Variants in ULK2 observed in about 807,000 individuals in gnomAD.
The protein encoded by ULK2 is serine/threonine-protein kinase ULK2.
A neutral mutation model predicts 127.5 loss-of-function variants in ULK2; 76 were observed. That is an observed-to-expected ratio of 0.60 (90% confidence interval 0.50 to 0.72). The LOEUF is 0.72. Among genes scored for constraint, ULK2 ranks in the 30% least tolerant of loss-of-function variants. The probability of loss-of-function intolerance (pLI) is 0.00; values close to 1 mark genes in which losing one functional copy is unlikely to be tolerated. For synonymous variants in ULK2, 452 were observed against 461.9 expected, an observed-to-expected ratio of 0.98 and a Z score of 0.28; for missense variants, 1,144 against 1,295.9, an observed-to-expected ratio of 0.88 and a Z score of 1.80.
At chr17:19,842,074 CACA>C (rs1371046798) in intron 8 of ULK2, among the ~76,000 whole-genome samples, 1 of 152,004 alleles carries the variant, frequency 6.6e-6, no homozygotes, top group Non-Finnish European at 1.5e-5. Context: ...TCAGTCTCTC[CACA>C]ACAACAAATA....
intron 5 of ULK2, among the ~76,000 whole-genome samples, chr17:19,848,699 C>T (rs2041950761): frequency 6.6e-6 from 1 of 152,012 alleles, no homozygotes; most frequent in Admixed American, 6.6e-5. Context: ...ATCACTTGAA[C>T]CCAGGAGGCG....
At chr17:19,837,557 A>G (rs1468742319) in intron 10 of ULK2, among the ~76,000 whole-genome samples, 2 of 152,204 alleles carry the variant, frequency 1.3e-5, no homozygotes, top group Non-Finnish European at 2.9e-5. Context: ...TAAATTTAAC[A>G]TGTCCAACAG....
At chr17:19,796,048 C>T (rs2087262061) in intron 19 of ULK2, 47 bp downstream of exon 19, 1 of 1,565,302 alleles carries the variant, frequency 6.4e-7, no homozygotes, top group East Asian at 2.2e-5. Context: ...CTATGTTTTA[C>T]TATTACAGTT....
intron 20 of ULK2, among the ~76,000 whole-genome samples, chr17:19,791,615 G>A (rs2087154645): frequency 1.3e-5 from 2 of 152,108 alleles, no homozygotes; most frequent in African/African-American, 4.8e-5. Context: ...AACCCAGGAG[G>A]AGGAGGTTGC....
At chr17:19,833,150 A>AAAC (rs57151084) in intron 10 of ULK2, among the ~76,000 whole-genome samples, 6 of 132,860 alleles carry the variant, frequency 4.5e-5, no homozygotes, top group African/African-American at 1.6e-4. Flanking sequence ...AAAAAAAAAA[A>AAAC]CAGAACAACC....
intron 7 of ULK2, among the ~76,000 whole-genome samples, chr17:19,843,801 C>A (rs748062217): frequency 2.0e-5 from 3 of 151,496 alleles, no homozygotes; most frequent in African/African-American, 7.3e-5. Flanking sequence ...TAGGATTACA[C>A]GCGCCTGCAA....
At chr17:19,817,330 T>TAC (rs2041015537) in intron 12 of ULK2, among the ~76,000 whole-genome samples, 1 of 152,130 alleles carries the variant, frequency 6.6e-6, no homozygotes, top group South Asian at 2.1e-4. Context: ...AACGACATCT[T>TAC]ACACACACAC....
At chr17:19,855,099 C>CAAAA (rs59428848) in intron 3 of ULK2, among the ~76,000 whole-genome samples, 2 of 100,568 alleles carry the variant, frequency 2.0e-5, no homozygotes, top group Non-Finnish European at 2.1e-5. Flanking sequence ...GATTCCATCT[C>CAAAA]AAAAAAAAAA....
chr17:19,842,105 C>T (rs1279532308), intron 8 of ULK2, among the ~76,000 whole-genome samples: 1 of 151,648 alleles, frequency 6.6e-6, no homozygotes, highest in Non-Finnish European at 1.5e-5. Context: ...ACAACAGCTG[C>T]TGAATTAGTG....
intron 3 of ULK2, among the ~76,000 whole-genome samples, chr17:19,852,094 A>G (rs887468868): frequency 1.3e-5 from 2 of 150,006 alleles, no homozygotes; most frequent in Admixed American, 1.3e-4. Flanking sequence ...GCAGTGTGGC[A>G]CGCACCTGTA....
Position 19,780,972 on chromosome 17 carries a change from G to A in ULK2, c.2758+14C>T. 1 of 1,612,202 alleles carries A rather than the reference G, an allele frequency of 6.2e-7. No homozygotes were observed. Among genetic ancestry groups the A allele is most frequent in the Non-Finnish European group, 8.5e-7 (1 of 1,178,570 alleles). ...GGACTGACCCCTGGAGTTACACGCT[G>A]CCTTCTCCCATACCTTGTTTCACAG... is the stretch of plus-strand genomic sequence containing the variant. On this transcript the variant is annotated intron_variant, in intron 24 of 26. Transcript: ENST00000395544.
intron 14 of ULK2, among the ~76,000 whole-genome samples, chr17:19,806,664 T>C (rs1435188669): frequency 6.6e-6 from 1 of 152,206 alleles, no homozygotes; most frequent in African/African-American, 2.4e-5. Flanking sequence ...CCTGTACAAC[T>C]TAATATTAAC....
intron 10 of ULK2, among the ~76,000 whole-genome samples, chr17:19,833,127 G>GAAAAAGAA (rs2041502519): frequency 8.7e-6 from 1 of 115,488 alleles, no homozygotes; most frequent in African/African-American, 3.5e-5. Context: ...TGTCTCAAAG[G>GAAAAAGAA]AAAAAAAAAA....
Position 19,846,778 on chromosome 17 carries a change from T to C in ULK2, c.428A>G (p.Asn143Ser), listed in dbSNP as rs567746148. 5.7e-5 allele frequency: 92 copies of C among 1,611,984 alleles called. No homozygotes were observed. Among genetic ancestry groups the C allele is most frequent in the African/African-American group, 1.3e-4 (10 of 74,982 alleles). Reference protein sequence around the residue: ...KPQNILLSYANRRKSSVSGIR... With the variant: ...KPQNILLSYASRRKSSVSGIR... ...ACCACTGACACTTGATTTTCTGCGATTGGCATAGGACAGCAAGATGTTCTG... is the reference window on the plus strand; with the variant it reads ...ACCACTGACACTTGATTTTCTGCGACTGGCATAGGACAGCAAGATGTTCTG... The change falls in exon 6 of 27, where the codon AAT becomes AGT. Residue 143 changes from asparagine to serine, a missense_variant. Physicochemically the swap from Asn to Ser is conservative, Grantham distance 46. Transcript: ENST00000395544.
chr17:19,799,865 G>C (rs1261728624), intron 16 of ULK2, among the ~76,000 whole-genome samples: 1 of 152,186 alleles, frequency 6.6e-6, no homozygotes, highest in Non-Finnish European at 1.5e-5. Flanking sequence ...AGACAGGTAA[G>C]CACAAAGAGT....
intron 20 of ULK2, among the ~76,000 whole-genome samples, chr17:19,791,543 G>T (rs1363322660): frequency 6.6e-6 from 1 of 152,106 alleles, no homozygotes; most frequent in Non-Finnish European, 1.5e-5. Flanking sequence ...AAATTAGCTG[G>T]GTATGGTGGC....
Position 19,797,578 on chromosome 17 carries a change from T to G in ULK2, c.1627A>C (p.Arg543=), listed in dbSNP as rs1261599210. The G allele has an allele frequency of 6.2e-7, 1 of 1,613,830 alleles. No homozygotes were observed. The highest frequency in any genetic ancestry group is 1.7e-5 in the Admixed American group (1 of 59,988). Residue 543 remains arginine (R), a synonymous_variant, in exon 18 of 27, where the codon AGA becomes CGA. Transcript: ENST00000395544. Reference sequence around the variant, plus strand: ...CACACGGGGTCAGAGTGCTGTTTTCTGAGCTTCTGCTTGTTCTGATAGATG... The same window carrying G: ...CACACGGGGTCAGAGTGCTGTTTTCGGAGCTTCTGCTTGTTCTGATAGATG... ...TDIYQNKQKL[R]KQHSDPVCPS...
chr17:19,836,506 T>G (rs374031654), intron 10 of ULK2, among the ~76,000 whole-genome samples: 2 of 147,178 alleles, frequency 1.4e-5, no homozygotes, highest in Non-Finnish European at 3.0e-5. Context: ...AGCTTGAACC[T>G]GGGAGGCTGC....
chr17:19,860,662 T>C (rs1232107636), intron 3 of ULK2, among the ~76,000 whole-genome samples: 1 of 151,690 alleles, frequency 6.6e-6, no homozygotes, highest in African/African-American at 2.4e-5. Context: ...GTAGCTGGGA[T>C]TACATGCATG....
Sources: allele counts gnomAD v4.1 joint callset (sites outside exome capture counted in the v4.1 genomes callset), GRCh38; gene constraint gnomAD v4.1.1; transcripts MANE v1.5; gene names NCBI Gene and HGNC (gene_info 2026-07-23, HGNC 2026-07-21).